The following SETD7 variants were observed in gnomAD, a reference collection of about 807,000 sequenced individuals.
SETD7 encodes the protein SET domain containing 7, histone lysine methyltransferase, also known as histone-lysine N-methyltransferase SETD7.
Under a neutral mutation model 41.8 loss-of-function variants are expected in SETD7, and 16 were observed. That is an observed-to-expected ratio of 0.38 (90% CI 0.26 to 0.58). SETD7 has a LOEUF of 0.58. Among genes scored for constraint, SETD7 ranks in the 20% least tolerant of loss-of-function variants. SETD7 has a pLI of 0.64. For synonymous variants in SETD7, 163 were observed against 169.7 expected (o/e 0.96, Z 0.31); for missense variants, 346 against 459.7 (o/e 0.75, Z 2.26).
chr4:139,513,860 C>T (rs975683728), intron 7 of SETD7, among the ~76,000 whole-genome samples: 7 of 152,236 alleles, frequency 4.6e-5, no homozygotes, highest in African/African-American at 1.7e-4. Context: ...TTGGTTACTG[C>T]CTGCCTGTGA....
rs1053096511 is a variant in SETD7, at chr4:139,511,345, C to T, written c.*318G>A. 1.9e-5 allele frequency: 6 copies of T among 311,456 alleles called. No homozygotes were observed. The highest frequency in any genetic ancestry group is 3.0e-5 in the Non-Finnish European group (5 of 169,444). 19.3% of individuals were successfully genotyped at this position (311,456 alleles called of 1,614,324 possible). On this transcript the variant is annotated 3_prime_UTR_variant, in exon 8 of 8. Transcript: ENST00000274031. ...AAAAATGACTGAAAAACCCCGTTTC[C>T]CTGTTTCAGTCTAATCATTTGGCAT... is the stretch of plus-strand genomic sequence containing the variant.
At chr4:139,535,915 A>G (rs1727625350) in intron 2 of SETD7, among the ~76,000 whole-genome samples, 1 of 152,166 alleles carries the variant, frequency 6.6e-6, no homozygotes, top group African/African-American at 2.4e-5. Flanking sequence ...AGGAAATAAA[A>G]TATACGTTTC....
At chr4:139,512,728 T>A (rs1387620590) in intron 7 of SETD7, among the ~76,000 whole-genome samples, 1 of 151,110 alleles carries the variant, frequency 6.6e-6, no homozygotes, top group African/African-American at 2.4e-5. Flanking sequence ...ATCTCATTCA[T>A]TTAGAGTCTT....
At position 139,556,181 on chromosome 4, in the gene SETD7, C is replaced by A; in HGVS notation, c.-44G>T. 1 of 1,573,496 alleles carries A rather than the reference C, an allele frequency of 6.4e-7. No individual in the cohort carries two copies. Among genetic ancestry groups the A allele is most frequent in the Non-Finnish European group, 8.6e-7 (1 of 1,160,358 alleles). ...CCAGCTCGGGGCTGCGCGGCTGCCT[C>A]CCGTCCCTCTGGGTGCTCCCGGCGG... is the stretch of plus-strand genomic sequence containing the variant. On this transcript the variant is annotated 5_prime_UTR_variant, in exon 1 of 8. Transcript: ENST00000274031.
chr4:139,514,572 C>T (rs891256455), intron 7 of SETD7, among the ~76,000 whole-genome samples: 4 of 152,258 alleles, frequency 2.6e-5, no homozygotes, highest in African/African-American at 9.6e-5. Flanking sequence ...AACTGCTCTG[C>T]CTTGGAGACC....
intron 2 of SETD7, 136 bp from the exon 3 acceptor site, chr4:139,533,502 C>T: frequency 1.4e-6 from 1 of 703,762 alleles, no homozygotes; most frequent in Non-Finnish European, 2.4e-6. Context: ...CCTAAATTAT[C>T]ATCGACTGCT....
chr4:139,531,864 G>A (rs1248797893), intron 3 of SETD7, among the ~76,000 whole-genome samples: 1 of 152,162 alleles, frequency 6.6e-6, no homozygotes, highest in Non-Finnish European at 1.5e-5. Flanking sequence ...GCCGAGGCAA[G>A]GAAATCATCT....
Position 139,509,583 on chromosome 4 carries a change from C to G in SETD7, c.*2080G>C, listed in dbSNP as rs1726812053. On this transcript the variant is annotated 3_prime_UTR_variant, in exon 8 of 8. Coordinates refer to ENST00000274031, the MANE Select transcript of SETD7 (RefSeq NM_030648.4). Reference sequence around the variant, plus strand: ...GGGGGCATGACCAGCACTATCCTCTCCCTGACCGTATTCCCTGACCTGGCT... The same window carrying G: ...GGGGGCATGACCAGCACTATCCTCTGCCTGACCGTATTCCCTGACCTGGCT... The G allele has an allele frequency of 2.6e-6, 1 of 388,008 alleles. No homozygotes were observed. Among genetic ancestry groups the G allele is most frequent in the African/African-American group, 2.2e-5 (1 of 45,824 alleles). The allele number at this position is 388,008 out of a possible 1,614,324, so 24.0% of individuals were successfully genotyped here.
Position 139,507,463 on chromosome 4 carries a change from A to G in SETD7, c.*4200T>C, listed in dbSNP as rs1461366396. ...TTAAAAATCAAAATTGATCTGCATT[A>G]CATCTCAATAGACTCAGATAATTCT... On this transcript the variant is annotated 3_prime_UTR_variant, in exon 8 of 8. Coordinates refer to ENST00000274031, the MANE Select transcript of SETD7 (RefSeq NM_030648.4). The G allele has an allele frequency of 6.5e-6, 1 of 152,684 alleles. No individual in the cohort carries two copies. Among genetic ancestry groups the G allele is most frequent in the East Asian group, 1.9e-4 (1 of 5,202 alleles). 9.5% of individuals were successfully genotyped at this position (152,684 alleles called of 1,614,324 possible). A position where few individuals can be genotyped will look rare whatever the true frequency, so the allele number is the denominator to read the frequency against.
At chr4:139,505,114 C>A, downstream of SETD7, among the ~76,000 whole-genome samples, 1 of 152,016 alleles carries the variant, frequency 6.6e-6, no homozygotes, top group Admixed American at 6.5e-5. Context: ...AAGGATTGGG[C>A]AACTGAGGGA....
chr4:139,508,955 C>T lies in SETD7; in HGVS notation c.*2708G>A, dbSNP rs1194096960. On this transcript the variant is annotated 3_prime_UTR_variant, in exon 8 of 8. Transcript: ENST00000274031. ...GATTCCAACCTGCCACAGAGCCTTA[C>T]ATTTGGGAGTATGTGTGTGTGTGAG... The T allele has an allele frequency of 6.6e-6, 1 of 152,048 alleles. No homozygotes were observed. Among genetic ancestry groups the T allele is most frequent in the Non-Finnish European group, 1.5e-5 (1 of 68,132 alleles). The allele number at this position is 152,048 out of a possible 1,614,324, so 9.4% of individuals were successfully genotyped here.
At chr4:139,500,393 T>G (rs1726546411) in intron 7 of SETD7, among the ~76,000 whole-genome samples, 1 of 152,240 alleles carries the variant, frequency 6.6e-6, no homozygotes, top group South Asian at 2.1e-4. Context: ...GGGAGGAAGA[T>G]CTTGTCATTC....
At chr4:139,499,104 C>G (rs2111107535) in intron 7 of SETD7, among the ~76,000 whole-genome samples, 1 of 152,328 alleles carries the variant, frequency 6.6e-6, no homozygotes, top group South Asian at 2.1e-4. Context: ...TGACTATAGT[C>G]AGAAGACCCC....
At chr4:139,518,462 TAAAAC>T (rs1297119009) in intron 6 of SETD7, among the ~76,000 whole-genome samples, 2 of 151,870 alleles carry the variant, frequency 1.3e-5, no homozygotes, top group African/African-American at 2.4e-5. Flanking sequence ...CAAAATGAAA[TAAAAC>T]AAAACAAAAC....
chr4:139,534,498 C>A (rs150780220), intron 2 of SETD7, among the ~76,000 whole-genome samples: 1,529 of 152,190 alleles, frequency 0.01, 25 homozygotes, highest in African/African-American at 0.035. Context: ...AAGCCATCCT[C>A]CCACCTCAGC....
chr4:139,524,543 G>C (rs937968996), intron 4 of SETD7, among the ~76,000 whole-genome samples: 2 of 152,186 alleles, frequency 1.3e-5, no homozygotes, highest in African/African-American at 4.8e-5. Context: ...ATGGAATCAG[G>C]AGGTGATGGG....
Position 139,508,678 on chromosome 4 carries a change from C to A in SETD7, c.*2985G>T, listed in dbSNP as rs541766381. On this transcript the variant is annotated 3_prime_UTR_variant, in exon 8 of 8. Coordinates refer to ENST00000274031, the MANE Select transcript of SETD7 (RefSeq NM_030648.4). ...CATAAAGTTATTTCTTTATTCCCCA[C>A]CACATGGAATCTTCCACGTCTGCTG... 6.6e-6 allele frequency: 1 copy of A among 152,172 alleles called. No homozygotes were observed. Among genetic ancestry groups the A allele is most frequent in the Non-Finnish European group, 1.5e-5 (1 of 68,040 alleles). 9.4% of individuals were successfully genotyped at this position (152,172 alleles called of 1,614,324 possible). A position where few individuals can be genotyped will look rare whatever the true frequency, so the allele number is the denominator to read the frequency against.
intron 7 of SETD7, among the ~76,000 whole-genome samples, chr4:139,498,564 C>T (rs1726509973): frequency 6.6e-6 from 1 of 152,216 alleles, no homozygotes; most frequent in South Asian, 2.1e-4. Context: ...GGTGTGCCCC[C>T]TCCTCTTGGG....
chr4:139,531,610 A>G (rs1351423105), intron 3 of SETD7, among the ~76,000 whole-genome samples: 1 of 152,194 alleles, frequency 6.6e-6, no homozygotes, highest in African/African-American at 2.4e-5. Flanking sequence ...GAGGATATTT[A>G]AATGCTTTAG....
Sources: allele counts gnomAD v4.1 joint callset (sites outside exome capture counted in the v4.1 genomes callset), GRCh38; gene constraint gnomAD v4.1.1; transcripts MANE v1.5; gene names NCBI Gene and HGNC (gene_info 2026-07-23, HGNC 2026-07-21).